PRDM5: variants seen among roughly 807,000 people sequenced by gnomAD.
PRDM5 encodes PR domain zinc finger protein 5.
In PRDM5, 56 loss-of-function variants were observed where a neutral mutation model predicts 81.2. The observed-to-expected ratio is 0.69, with a 90% CI of 0.56 to 0.86. The LOEUF is 0.86. Among genes scored for constraint, PRDM5 ranks in the 40% least tolerant of loss-of-function variants. The pLI is 0.00. For missense variants in PRDM5, 697 were observed against 770.1 expected, an observed-to-expected ratio of 0.91 and a Z score of 1.12; for synonymous variants, 267 against 256.4, an observed-to-expected ratio of 1.04 and a Z score of -0.39.
At chr4:120,768,475 G>A (rs1259626082) in intron 13 of PRDM5, among the ~76,000 whole-genome samples, 1 of 152,070 alleles carries the variant, frequency 6.6e-6, no homozygotes, top group Non-Finnish European at 1.5e-5. Flanking sequence ...AGTCTGATCT[G>A]CCCTGTCCTT....
chr4:120,832,583 C>T (rs1421406314), intron 3 of PRDM5, among the ~76,000 whole-genome samples: 4 of 152,168 alleles, frequency 2.6e-5, no homozygotes, highest in African/African-American at 9.7e-5. Flanking sequence ...CCCCTGAGGG[C>T]AGGCACTATA....
rs186518680 is a variant in PRDM5 at position 120,701,214 on chromosome 4, A to C, written c.1729-5939T>G. ...AGGCTGCAGAGAAAAGGGAATGCTT[A>C]TACACTGTTGGAGGGAATGTAAATT... On this transcript the variant is annotated intron_variant, in intron 15 of 15. Transcript: ENST00000264808. Among the ~76,000 whole-genome samples the C allele has an allele frequency of 2.0e-5, 3 of 151,746 alleles. No individual in the cohort carries two copies. In the East Asian group the frequency reaches 5.8e-4, roughly 29 times the overall value.
intron 15 of PRDM5, among the ~76,000 whole-genome samples, chr4:120,704,010 A>C (rs1735763448): frequency 6.6e-6 from 1 of 152,178 alleles, no homozygotes; most frequent in South Asian, 2.1e-4. Context: ...ACAAAGTGCA[A>C]GTCCATTTAC....
intron 3 of PRDM5, among the ~76,000 whole-genome samples, chr4:120,823,981 T>A (rs1281434660): frequency 6.6e-6 from 1 of 152,122 alleles, no homozygotes; most frequent in Non-Finnish European, 1.5e-5. Context: ...ACCCTCCTTA[T>A]CCCCTCTTTG....
intron 2 of PRDM5, among the ~76,000 whole-genome samples, chr4:120,876,314 T>G (rs973854866): frequency 6.6e-6 from 1 of 152,238 alleles, no homozygotes; most frequent in African/African-American, 2.4e-5. Flanking sequence ...AAGAAAACTT[T>G]AGGTCTTTTT....
At chr4:120,730,435 T>G (rs2149082391) in intron 14 of PRDM5, among the ~76,000 whole-genome samples, 1 of 152,294 alleles carries the variant, frequency 6.6e-6, no homozygotes, top group South Asian at 2.1e-4. Context: ...TTTAGGAATC[T>G]CAACATAGCA....
chr4:120,850,800 G>A (rs527395410), intron 3 of PRDM5, among the ~76,000 whole-genome samples: 15 of 152,020 alleles, frequency 9.9e-5, no homozygotes, highest in African/African-American at 3.6e-4. Context: ...TTCTTTCAAG[G>A]AAAAAACACA....
At chr4:120,717,071 A>AAC (rs1560956475) in intron 14 of PRDM5, among the ~76,000 whole-genome samples, 1 of 151,868 alleles carries the variant, frequency 6.6e-6, no homozygotes, top group Non-Finnish European at 1.5e-5. Flanking sequence ...TGAAAAAAAA[A>AAC]AAAAAAAACT....
At chr4:120,899,021 T>C (rs1764960134) in intron 2 of PRDM5, among the ~76,000 whole-genome samples, 1 of 152,228 alleles carries the variant, frequency 6.6e-6, no homozygotes, top group African/African-American at 2.4e-5. Flanking sequence ...TATGTTCTCA[T>C]AAAGAATCCT....
intron 3 of PRDM5, chr4:120,838,981 G>A (rs1330157365): frequency 1.9e-6 from 1 of 535,548 alleles, no homozygotes; most frequent in African/African-American, 1.9e-5. Context: ...TGCCAGCACA[G>A]GTGCCAGCTC....
intron 14 of PRDM5, among the ~76,000 whole-genome samples, chr4:120,714,641 C>G (rs1737487932): frequency 6.6e-6 from 1 of 152,044 alleles, no homozygotes; most frequent in Admixed American, 6.6e-5. Context: ...GTCTAGTTCT[C>G]TTTTTTGTGG....
intron 13 of PRDM5, among the ~76,000 whole-genome samples, chr4:120,776,509 G>GA (rs772471731): frequency 6.6e-6 from 1 of 152,100 alleles, no homozygotes; most frequent in Non-Finnish European, 1.5e-5. Context: ...TCTAGGTACT[G>GA]AAAAAAGTTT....
At chr4:120,796,091 T>C (rs1040284953) in intron 10 of PRDM5, among the ~76,000 whole-genome samples, 16 of 152,162 alleles carry the variant, frequency 1.1e-4, no homozygotes, top group Admixed American at 1.3e-4. Flanking sequence ...TAATAACCCT[T>C]GAGCATACTA....
intron 10 of PRDM5, among the ~76,000 whole-genome samples, chr4:120,788,521 G>A (rs989347000): frequency 3.9e-5 from 6 of 152,150 alleles, no homozygotes; most frequent in African/African-American, 7.2e-5. Flanking sequence ...TCATAAAAAG[G>A]TAGAAACTAT....
intron 15 of PRDM5, among the ~76,000 whole-genome samples, chr4:120,697,275 CTAAGT>C (rs1293168067): frequency 6.6e-5 from 10 of 152,162 alleles, no homozygotes; most frequent in African/African-American, 2.4e-4. Context: ...GTAATGGGTA[CTAAGT>C]AGTACTTCCT....
At chr4:120,869,562 A>G (rs1285086557) in intron 2 of PRDM5, among the ~76,000 whole-genome samples, 1 of 152,216 alleles carries the variant, frequency 6.6e-6, no homozygotes, top group Non-Finnish European at 1.5e-5. Flanking sequence ...AGACACTCAT[A>G]GCCTGCCTGT....
intron 14 of PRDM5, among the ~76,000 whole-genome samples, chr4:120,727,303 A>G (rs200471788): frequency 2.3e-4 from 34 of 150,794 alleles, no homozygotes; most frequent in East Asian, 5.9e-4. Flanking sequence ...GTATGTATAT[A>G]TGTGTGTGTG....
intron 14 of PRDM5, among the ~76,000 whole-genome samples, chr4:120,747,405 G>A (rs1018227007): frequency 1.3e-5 from 2 of 151,626 alleles, no homozygotes; most frequent in Admixed American, 6.6e-5. Context: ...TGCACAATGT[G>A]CACATGTACC....
intron 14 of PRDM5, among the ~76,000 whole-genome samples, chr4:120,740,964 G>A (rs942235114): frequency 6.6e-6 from 1 of 152,174 alleles, no homozygotes; most frequent in Non-Finnish European, 1.5e-5. Context: ...TGTATCTGTA[G>A]GTGTGCACTT....
Sources: allele counts gnomAD v4.1 joint callset (sites outside exome capture counted in the v4.1 genomes callset), GRCh38; gene constraint gnomAD v4.1.1; transcripts MANE v1.5; gene names NCBI Gene and HGNC (gene_info 2026-07-23, HGNC 2026-07-21).